Variants in COL4A2 observed in about 807,000 individuals in gnomAD.
COL4A2 encodes collagen type IV alpha 2 chain.
In COL4A2, 99 loss-of-function variants were observed where a neutral mutation model predicts 200.2. The observed-to-expected ratio is 0.49, with a 90% CI of 0.42 to 0.58. The LOEUF (loss-of-function observed/expected upper bound fraction) is 0.58. Ranked by LOEUF, COL4A2 falls within the 20% of genes least tolerant of loss-of-function variation. COL4A2 has a pLI of 0.00. For synonymous variants in COL4A2, 897 were observed against 900.6 expected, an observed-to-expected ratio of 1.00 and a Z score of 0.07; for missense variants, 1,950 against 2,314.1, an observed-to-expected ratio of 0.84 and a Z score of 3.23.
intron 3 of COL4A2, among the ~76,000 whole-genome samples, chr13:110,354,101 A>G (rs1447898880): frequency 6.6e-6 from 1 of 152,232 alleles, no homozygotes; most frequent in East Asian, 1.9e-4. Flanking sequence ...TTTGATTTAT[A>G]TGGAGGGATT....
chr13:110,420,791 T>C (rs1183973317), intron 4 of COL4A2, among the ~76,000 whole-genome samples: 4 of 152,134 alleles, frequency 2.6e-5, no homozygotes, highest in Non-Finnish European at 4.4e-5. Flanking sequence ...GGGCAGGAAA[T>C]CCTGGGGAGA....
At chr13:110,511,138 A>G (rs1200947141) in intron 47 of COL4A2, among the ~76,000 whole-genome samples, 1 of 151,982 alleles carries the variant, frequency 6.6e-6, no homozygotes, top group Non-Finnish European at 1.5e-5. Flanking sequence ...GCCAAGCCAA[A>G]TGGCCCTTAT....
At chr13:110,435,836 A>G (rs928522814) in intron 12 of COL4A2, among the ~76,000 whole-genome samples, 1 of 152,176 alleles carries the variant, frequency 6.6e-6, no homozygotes, top group Non-Finnish European at 1.5e-5. Context: ...TTTATTATAT[A>G]AAAACATCTT....
intron 12 of COL4A2, among the ~76,000 whole-genome samples, chr13:110,435,146 CAT>C (rs1452410098): frequency 6.6e-6 from 1 of 152,118 alleles, no homozygotes; most frequent in Non-Finnish European, 1.5e-5. Flanking sequence ...AAGTCCTGCT[CAT>C]GTGTGAAGAA....
In COL4A2 at chr13:110,464,684, T is replaced by C. The variant is rs1177531623; in HGVS notation, c.1777-721T>C. Among the ~76,000 whole-genome samples, 3 of 152,188 alleles carry C rather than the reference T, an allele frequency of 2.0e-5. No homozygotes were observed. In the East Asian group the frequency reaches 5.8e-4, roughly 29 times the overall value. On this transcript the variant is annotated intron_variant, in intron 24 of 47. Coordinates refer to ENST00000360467, the MANE Select transcript of COL4A2 (RefSeq NM_001846.4). The stretch of plus-strand genomic sequence containing the variant: ...TGATTTCTTATAAGCAGCTGCCTCA[T>C]TGTCATGAGAACACCCAGCCTCGTC...
intron 21 of COL4A2, chr13:110,457,954 T>C (rs899101023): frequency 2.6e-6 from 1 of 389,686 alleles, no homozygotes; most frequent in Non-Finnish European, 5.2e-6. Context: ...CACCTGACCC[T>C]TTCCAGTCAC....
intron 4 of COL4A2, among the ~76,000 whole-genome samples, chr13:110,415,574 G>GAA (rs1244581212): frequency 6.6e-6 from 1 of 152,176 alleles, no homozygotes; most frequent in Non-Finnish European, 1.5e-5. Context: ...GTGTGTGTTT[G>GAA]TATTATCGTA....
intron 28 of COL4A2, 21 bp downstream of exon 28, chr13:110,469,345 CA>C (rs764746521): frequency 6.4e-7 from 1 of 1,557,068 alleles, no homozygotes; most frequent in African/African-American, 1.4e-5. Flanking sequence ...ATCAGACCCC[CA>C]TTCAGCCCCT....
chr13:110,380,167 T>C (rs1878409533), intron 4 of COL4A2, among the ~76,000 whole-genome samples: 1 of 152,198 alleles, frequency 6.6e-6, no homozygotes, highest in Non-Finnish European at 1.5e-5. Flanking sequence ...TCAACCCAGC[T>C]GGGAGTGATT....
At chr13:110,313,554 G>A (rs1230111954) in intron 3 of COL4A2, among the ~76,000 whole-genome samples, 10 of 85,714 alleles carry the variant, frequency 1.2e-4, no homozygotes, top group African/African-American at 3.1e-4. Context: ...GCGTCCACCC[G>A]GCAGGCTCCC....
In COL4A2 at chr13:110,506,577, G is replaced by A. The variant is rs749216552; in HGVS notation, c.4565G>A (p.Gly1522Asp). 6.2e-7 allele frequency: 1 copy of A among 1,612,718 alleles called. No homozygotes were observed. The highest frequency in any genetic ancestry group is 8.5e-7 in the Non-Finnish European group (1 of 1,179,520). The change falls in exon 46 of 48, where the codon GGC becomes GAC. Residue 1522 changes from glycine (G) to aspartate (D), a missense_variant. Transcript: ENST00000360467. ...WSGYSLLYFE[G>D]QEKAHNQDLG... ...GGATACAGCCTGCTGTACTTCGAGGGCCAGGAGAAGGCGCACAACCAGGAC... is the reference window on the plus strand; with the variant it reads ...GGATACAGCCTGCTGTACTTCGAGGACCAGGAGAAGGCGCACAACCAGGAC...
At position 110,501,731 on chromosome 13, in the gene COL4A2, A is replaced by G. The variant is rs1231317430; in HGVS notation, c.3824A>G (p.Asn1275Ser). 1 of 1,613,702 alleles carries G rather than the reference A, an allele frequency of 6.2e-7. No individual in the cohort carries two copies. The highest frequency in any genetic ancestry group is 1.3e-5 in the African/African-American group (1 of 75,028). The change falls in exon 41 of 48, where the codon AAC (asparagine) becomes AGC (serine). Residue 1275 changes from asparagine to serine, a missense_variant. Asn to Ser is a conservative substitution (Grantham distance 46). Transcript: ENST00000360467. ...QGFPGITPPS[N>S]ISGAPGDKGA... ...TTCCCTGGTATCACACCCCCTTCCA[A>G]CATCTCTGGGGCACCTGGTGACAAA... is the stretch of plus-strand genomic sequence containing the variant.
At chr13:110,340,523 G>A (rs1287359324) in intron 3 of COL4A2, among the ~76,000 whole-genome samples, 4 of 152,190 alleles carry the variant, frequency 2.6e-5, no homozygotes, top group Admixed American at 6.5e-5. Context: ...GAGAAGAGTG[G>A]AAGTGTAGAA....
At chr13:110,395,899 C>G (rs146567887) in intron 4 of COL4A2, among the ~76,000 whole-genome samples, 2 of 152,158 alleles carry the variant, frequency 1.3e-5, no homozygotes, top group African/African-American at 4.8e-5. Context: ...GAGCCAAGAT[C>G]GCGCCACAGC....
chr13:110,476,481 T>G (rs1183726283), intron 29 of COL4A2, among the ~76,000 whole-genome samples: 1 of 152,198 alleles, frequency 6.6e-6, no homozygotes, highest in Admixed American at 6.5e-5. Flanking sequence ...GTTGACGTGG[T>G]CAGACAGTGC....
chr13:110,380,968 G>GT (rs1878458991), intron 4 of COL4A2, among the ~76,000 whole-genome samples: 1 of 146,456 alleles, frequency 6.8e-6, no homozygotes, highest in Admixed American at 6.8e-5. Context: ...ACACCCACGG[G>GT]CTCTATGTCA....
At position 110,307,565 on chromosome 13, in the gene COL4A2, C is replaced by G. The variant is rs1357296147; in HGVS notation, c.-45+37C>G. On this transcript the variant is annotated intron_variant, in intron 1 of 47. Coordinates refer to ENST00000360467, the MANE Select transcript of COL4A2 (RefSeq NM_001846.4). The surrounding 1 kb of genome is among the most constrained non-coding windows in gnomAD (Gnocchi z 5.0). ...CCCCGAGCGGCGCCCAGACCCTGGC[C>G]CGAGAGCACCGACTTGGAGCGCCTT... is the stretch of plus-strand genomic sequence containing the variant. 2.9e-6 allele frequency: 1 copy of G among 348,488 alleles called. No individual in the cohort carries two copies. Among genetic ancestry groups the G allele is most frequent in the Non-Finnish European group, 5.2e-6 (1 of 193,648 alleles). The allele number at this position is 348,488 out of a possible 1,614,324, so 21.6% of individuals were successfully genotyped here.
At position 110,489,561 on chromosome 13, in the gene COL4A2, G is replaced by A; in HGVS notation, c.3271+53G>A. On this transcript the variant is annotated intron_variant, in intron 35 of 47. Coordinates refer to ENST00000360467, the MANE Select transcript of COL4A2 (RefSeq NM_001846.4). ...GGGAGTCCACAATTCAGAGCTCTCT[G>A]AGCATGTGAGCCAATTTCAGACCTG... 4.4e-6 allele frequency: 7 copies of A among 1,604,714 alleles called. No homozygotes were observed. The South Asian group carries it at 7.7e-5, about 18-fold the overall frequency.
chr13:110,403,249 T>C (rs987879868), intron 4 of COL4A2, among the ~76,000 whole-genome samples: 7 of 152,242 alleles, frequency 4.6e-5, no homozygotes, highest in African/African-American at 1.7e-4. Context: ...TCTAAATCTT[T>C]CAGTTCTGCT....
Sources: allele counts gnomAD v4.1 joint callset (sites outside exome capture counted in the v4.1 genomes callset), GRCh38; gene constraint gnomAD v4.1.1; non-coding constraint Gnocchi (gnomAD v3.1); transcripts MANE v1.5; gene names NCBI Gene and HGNC (gene_info 2026-07-23, HGNC 2026-07-21).